RARB: variants seen among roughly 807,000 people sequenced by gnomAD.
RARB encodes HBV-activated protein.
In RARB, 17 loss-of-function variants were observed where a neutral mutation model predicts 51.9. The observed-to-expected ratio is 0.33, with a 90% CI of 0.22 to 0.49. The LOEUF (loss-of-function observed/expected upper bound fraction) is 0.49, where lower values mean the gene tolerates loss of function less well. RARB is among the 20% of genes least tolerant of loss of function. The probability of loss-of-function intolerance (pLI) is 0.99; values close to 1 mark genes in which losing one functional copy is unlikely to be tolerated. For missense variants in RARB, 369 were observed against 550.8 expected (o/e 0.67, Z 3.30); for synonymous variants, 215 against 195.4 (o/e 1.10, Z -0.84).
intron 2 of RARB, among the ~76,000 whole-genome samples, chr3:25,050,518 C>T (rs144167428): frequency 8.0e-4 from 122 of 152,248 alleles, no homozygotes; most frequent in Admixed American, 4.4e-3. Context: ...ATTCACTTTA[C>T]GAAGTCAAAT....
chr3:24,995,459 T>G (rs1182332354), intron 2 of RARB, among the ~76,000 whole-genome samples: 1 of 152,100 alleles, frequency 6.6e-6, no homozygotes, highest in Admixed American at 6.6e-5. Context: ...TGCCCTTCAT[T>G]TCTTTGTCTT....
intron 5 of RARB, among the ~76,000 whole-genome samples, chr3:25,251,223 A>T (rs537453406): frequency 6.6e-6 from 1 of 152,078 alleles, no homozygotes; most frequent in African/African-American, 2.4e-5. Flanking sequence ...ATTTTATTAT[A>T]ATATTATATT....
intron 4 of RARB, chr3:25,174,053 A>G (rs1179519880): frequency 1.1e-5 from 2 of 176,724 alleles, no homozygotes; most frequent in Non-Finnish European, 2.5e-5. Context: ...GACGTTTTGT[A>G]TAGTAACTTG....
chr3:25,579,785 G>A (rs1241040611), intron 4 of RARB, among the ~76,000 whole-genome samples: 2 of 152,280 alleles, frequency 1.3e-5, no homozygotes, highest in Non-Finnish European at 2.9e-5. Context: ...CGTGTCCCTG[G>A]ATTTCCTGAG....
chr3:25,538,657 T>C (rs1178284387), intron 3 of RARB, among the ~76,000 whole-genome samples: 1 of 152,232 alleles, frequency 6.6e-6, no homozygotes, highest in Non-Finnish European at 1.5e-5. Context: ...GTAGTTCATC[T>C]TTACTGTATT....
intron 3 of RARB, among the ~76,000 whole-genome samples, chr3:25,518,426 G>A (rs1028452945): frequency 1.6e-4 from 24 of 152,128 alleles, no homozygotes; most frequent in South Asian, 1.2e-3. Context: ...TATAAAGTGA[G>A]TACTGGGAGA....
At chr3:25,491,376 G>A (rs191104173) in intron 2 of RARB, among the ~76,000 whole-genome samples, 117 of 152,032 alleles carry the variant, frequency 7.7e-4, no homozygotes, top group Middle Eastern at 6.8e-3. Flanking sequence ...TACTCAGGTC[G>A]TGGAATTTCT....
intron 5 of RARB, among the ~76,000 whole-genome samples, chr3:25,249,061 A>C (rs908449241): frequency 6.6e-6 from 1 of 152,114 alleles, no homozygotes; most frequent in Admixed American, 6.5e-5. Context: ...CTGATGGGAC[A>C]CTGGAAATTC....
chr3:25,549,318 G>C (rs1253972934), intron 3 of RARB, among the ~76,000 whole-genome samples: 1 of 152,130 alleles, frequency 6.6e-6, no homozygotes, highest in Non-Finnish European at 1.5e-5. Flanking sequence ...ACCTGGCAGA[G>C]TGAGAAATTC....
At chr3:25,403,886 T>TTAAAAA (rs1553611516) in intron 5 of RARB, among the ~76,000 whole-genome samples, 1 of 88,378 alleles carries the variant, frequency 1.1e-5, no homozygotes, top group Admixed American at 1.6e-4. Flanking sequence ...TTTCTTTTTC[T>TTAAAAA]AAAAAAAAAA....
chr3:25,001,460 A>G (rs1488938644), intron 2 of RARB, among the ~76,000 whole-genome samples: 1 of 152,060 alleles, frequency 6.6e-6, no homozygotes, highest in African/African-American at 2.4e-5. Context: ...ATCCTTCTCA[A>G]TTGTCTTCTC....
At chr3:25,148,405 A>G (rs1431861200) in intron 4 of RARB, among the ~76,000 whole-genome samples, 1 of 152,274 alleles carries the variant, frequency 6.6e-6, no homozygotes, top group Non-Finnish European at 1.5e-5. Flanking sequence ...GATATGTTAC[A>G]AAATCATTGG....
intron 5 of RARB, among the ~76,000 whole-genome samples, chr3:25,419,629 T>C (rs1707804201): frequency 6.6e-6 from 1 of 152,154 alleles, no homozygotes; most frequent in African/African-American, 2.4e-5. Flanking sequence ...CCGAGGACCT[T>C]GATTTAAATG....
chr3:25,444,662 A>T (rs1377958536), intron 1 of RARB, among the ~76,000 whole-genome samples: 2 of 152,232 alleles, frequency 1.3e-5, no homozygotes, highest in Non-Finnish European at 2.9e-5. Context: ...TTTGAACTGC[A>T]GTGTCCAGTA....
chr3:25,572,220 G>A (rs906248665), intron 4 of RARB, among the ~76,000 whole-genome samples: 4 of 152,098 alleles, frequency 2.6e-5, no homozygotes, highest in East Asian at 1.9e-4. Flanking sequence ...AAAGCCTGGC[G>A]GAGTCTTGAG....
At position 25,238,157 on chromosome 3, in the gene RARB, C is replaced by A. The variant is rs192101512; in HGVS notation, c.178+63582C>A. ...CTGTCTTCATCCTCCAGCGCCCCCC[C>A]ACACATCCTTCCCAGTCTCTGGTAT... On this transcript the variant is annotated intron_variant, in intron 5 of 11. Transcript: ENST00000383772. Among the ~76,000 whole-genome samples, 1,073 of 152,024 alleles carry A rather than the reference C, an allele frequency of 7.1e-3. 16 individuals carry two copies. The highest frequency in any genetic ancestry group is 0.024 in the African/African-American group (1,015 of 41,474).
intron 5 of RARB, among the ~76,000 whole-genome samples, chr3:25,218,435 A>C (rs1701880499): frequency 1.3e-5 from 2 of 152,102 alleles, no homozygotes; most frequent in South Asian, 4.2e-4. Context: ...TTCACTTGTG[A>C]AAAGTGTCAT....
intron 2 of RARB, among the ~76,000 whole-genome samples, chr3:25,049,367 A>G (rs1698280792): frequency 6.6e-6 from 1 of 152,222 alleles, no homozygotes; most frequent in East Asian, 1.9e-4. Context: ...AAGTTTGCCA[A>G]GTATCGATTT....
intron 2 of RARB, among the ~76,000 whole-genome samples, chr3:24,970,951 C>G: frequency 6.6e-6 from 1 of 151,860 alleles, no homozygotes; most frequent in Non-Finnish European, 1.5e-5. Flanking sequence ...TACAATTGTT[C>G]TTCTCCTTTC....
Sources: gnomAD v4.1 joint callset for allele counts (sites outside exome capture counted in the v4.1 genomes callset) on GRCh38, gnomAD v4.1.1 for gene constraint, MANE v1.5 for transcripts, NCBI Gene and HGNC (gene_info 2026-07-23, HGNC 2026-07-21) for gene names.